The following PLB1 variants were observed in gnomAD, a reference collection of about 807,000 sequenced individuals.
PLB1 encodes phospholipase B1, membrane-associated.
A neutral mutation model predicts 227.4 loss-of-function variants in PLB1; 242 were observed. The ratio of observed to expected loss-of-function variants is 1.06; its 90% CI spans 0.96 to 1.18. The LOEUF is 1.18. PLB1 is among the 50% of genes most tolerant of loss of function. The pLI is 0.00. For missense variants in PLB1, 1,858 were observed against 1,816.3 expected (o/e 1.02, Z -0.42); for synonymous variants, 757 against 682.2 (o/e 1.11, Z -1.71).
At position 28,496,093 on chromosome 2, in the gene PLB1, G is replaced by A. The variant is rs746215719; in HGVS notation, c.-22G>A. ...GCTGGAGCAGCTCTTCCAGAGGCCC[G>A]AGTCACCTGGAGCATTCTGGCATGG... On this transcript the variant is annotated 5_prime_UTR_variant, in exon 1 of 58. Transcript: ENST00000327757. The A allele has an allele frequency of 1.2e-5, 20 of 1,613,198 alleles. No homozygotes were observed. The South Asian group carries it at 1.5e-4, about 12-fold the overall frequency.
chr2:28,590,997 G>C (rs1176005352), intron 29 of PLB1, 136 bp from the exon 30 acceptor site: 1 of 1,063,934 alleles, frequency 9.4e-7, no homozygotes, highest in Non-Finnish European at 1.5e-6. Flanking sequence ...GAGGGAGTCA[G>C]CCTGGTAGAG....
At chr2:28,499,069 T>C (rs1666791631) in intron 1 of PLB1, among the ~76,000 whole-genome samples, 1 of 146,906 alleles carries the variant, frequency 6.8e-6, no homozygotes, top group Non-Finnish European at 1.5e-5. Context: ...TTAGATATTT[T>C]TGTTGTGTGG....
chr2:28,574,342 C>CCCA (rs1678538414), intron 21 of PLB1, among the ~76,000 whole-genome samples: 1 of 99,380 alleles, frequency 1.0e-5, no homozygotes, highest in Non-Finnish European at 2.4e-5. Flanking sequence ...CCTCACCCCC[C>CCCA]CCACCCTTCC....
intron 35 of PLB1, 122 bp downstream of exon 35, chr2:28,598,882 G>T (rs1402960521): frequency 3.7e-6 from 3 of 812,692 alleles, no homozygotes; most frequent in Non-Finnish European, 6.3e-6. Flanking sequence ...TGAGGCTCAG[G>T]CTGCCCTCTT....
At chr2:28,520,421 C>T (rs1054544380) in intron 4 of PLB1, among the ~76,000 whole-genome samples, 52 of 151,856 alleles carry the variant, frequency 3.4e-4, no homozygotes, top group Admixed American at 2.0e-4. Context: ...AAAAACACAC[C>T]GATCTTTGTA....
chr2:28,603,874 C>T, intron 39 of PLB1, 92 bp from the exon 40 acceptor site: 1 of 1,200,132 alleles, frequency 8.3e-7, no homozygotes. Context: ...GGGAGGGAGC[C>T]TCTCCACCCC....
At chr2:28,543,866 C>T (rs910953526) in intron 14 of PLB1, among the ~76,000 whole-genome samples, 2 of 152,186 alleles carry the variant, frequency 1.3e-5, no homozygotes, top group African/African-American at 4.8e-5. Context: ...GTAACTGTAA[C>T]AGGATATCCC....
intron 3 of PLB1, 57 bp from the exon 4 acceptor site, chr2:28,519,648 G>C (rs1470753178): frequency 1.0e-5 from 14 of 1,345,978 alleles, no homozygotes; most frequent in African/African-American, 1.5e-5. Context: ...GGTATCCTTG[G>C]CCGACATCAT....
rs373797644 is a variant in PLB1, at chr2:28,632,974, G to A, written c.4033G>A (p.Glu1345Lys). 6.8e-6 allele frequency: 11 copies of A among 1,606,342 alleles called. No individual in the cohort carries two copies. The highest frequency in any genetic ancestry group is 6.7e-5 in the Admixed American group (4 of 59,698). The change falls in exon 56 of 58, where the codon GAG (glutamate) becomes AAG (lysine). Residue 1345 changes from glutamate (E) to lysine (K), a missense_variant. Glu to Lys is a moderately conservative substitution (Grantham distance 56, BLOSUM62 1). Transcript: ENST00000327757. ...GGACACTGACCTCACCTTCTTCTCC[G>A]AGGACTGTTTTCACTTCTCAGACCG... ...RGDTDLTFFS[E>K]DCFHFSDRGH...
Position 28,542,499 on chromosome 2 carries a change from A to G in PLB1, c.879+688A>G, listed in dbSNP as rs114515479. On this transcript the variant is annotated intron_variant, in intron 13 of 57. Transcript: ENST00000327757. ...CTCTCTCGGTGGCCATCAGGGCCAC[A>G]TGAGTTAATACTTGGGGGGATGTAG... Among the ~76,000 whole-genome samples the G allele has an allele frequency of 7.5e-3, 1,148 of 152,244 alleles. 15 individuals carry two copies. The highest frequency in any genetic ancestry group is 0.026 in the African/African-American group (1,068 of 41,542).
intron 57 of PLB1, among the ~76,000 whole-genome samples, 179 bp from the exon 58 acceptor site, chr2:28,642,679 C>T (rs1030555951): frequency 1.3e-5 from 2 of 152,184 alleles, no homozygotes; most frequent in Non-Finnish European, 2.9e-5. Flanking sequence ...TCTTTAGAGG[C>T]CCATCCCGCT....
At chr2:28,614,541 G>A (rs1403991636) in intron 44 of PLB1, among the ~76,000 whole-genome samples, 2 of 152,150 alleles carry the variant, frequency 1.3e-5, no homozygotes, top group Admixed American at 6.5e-5. Context: ...GCCTTGTTTG[G>A]TTCAAGTCAA....
intron 20 of PLB1, among the ~76,000 whole-genome samples, chr2:28,571,099 TAA>T (rs1677938142): frequency 6.6e-6 from 1 of 152,170 alleles, no homozygotes; most frequent in African/African-American, 2.4e-5. Context: ...AGAAATCCAC[TAA>T]AAATTATTAG....
chr2:28,534,715 T>A (rs1671450857), intron 9 of PLB1, among the ~76,000 whole-genome samples: 1 of 151,944 alleles, frequency 6.6e-6, no homozygotes, highest in Non-Finnish European at 1.5e-5. Context: ...TTAGCCGGGC[T>A]TGGTGGCAGG....
intron 20 of PLB1, among the ~76,000 whole-genome samples, chr2:28,568,629 A>G (rs1310651709): frequency 6.6e-6 from 1 of 152,240 alleles, no homozygotes; most frequent in African/African-American, 2.4e-5. Flanking sequence ...GGAAAATAGG[A>G]GAACAGTGCT....
intron 49 of PLB1, among the ~76,000 whole-genome samples, chr2:28,622,728 A>T (rs777685766): frequency 5.9e-5 from 9 of 152,084 alleles, no homozygotes; most frequent in Non-Finnish European, 8.8e-5. Context: ...TCTCTACTAA[A>T]ATCAAAAATT....
At chr2:28,500,366 CT>C (rs139535963) in intron 1 of PLB1, among the ~76,000 whole-genome samples, 1 of 152,176 alleles carries the variant, frequency 6.6e-6, no homozygotes, top group South Asian at 2.1e-4. Context: ...GGCTGCCTGA[CT>C]TTTTTCCCTT....
chr2:28,530,772 A>G (rs1003064729), intron 8 of PLB1, among the ~76,000 whole-genome samples: 3 of 152,254 alleles, frequency 2.0e-5, no homozygotes, highest in Non-Finnish European at 2.9e-5. Flanking sequence ...CCATGCATGC[A>G]TTAAAGCGTT....
intron 1 of PLB1, among the ~76,000 whole-genome samples, chr2:28,508,810 T>C (rs756908215): frequency 4.6e-5 from 7 of 152,322 alleles, no homozygotes; most frequent in Middle Eastern, 3.4e-3. Context: ...TCATAAACCC[T>C]GCCCCTAAGG....
Sources: gnomAD v4.1 joint callset for allele counts (sites outside exome capture counted in the v4.1 genomes callset) on GRCh38, gnomAD v4.1.1 for gene constraint, MANE v1.5 for transcripts, NCBI Gene and HGNC (gene_info 2026-07-23, HGNC 2026-07-21) for gene names.